The following ZNF341 variants were observed in gnomAD, a reference collection of about 807,000 sequenced individuals.
The protein encoded by ZNF341 is zinc finger protein 341.
A neutral mutation model predicts 87.7 loss-of-function variants in ZNF341; 52 were observed. The ratio of observed to expected loss-of-function variants is 0.59; its 90% CI spans 0.47 to 0.75. ZNF341 has a LOEUF of 0.75. Ranked by LOEUF, ZNF341 falls within the 30% of genes least tolerant of loss-of-function variation. The pLI, the probability that ZNF341 is intolerant of heterozygous loss-of-function variation, is 0.00. For missense variants in ZNF341, 977 were observed against 1,145.9 expected, an observed-to-expected ratio of 0.85 and a Z score of 2.13; for synonymous variants, 459 against 472.7, an observed-to-expected ratio of 0.97 and a Z score of 0.38.
At chr20:33,776,900 T>C (rs2019637627) in intron 10 of ZNF341, among the ~76,000 whole-genome samples, 1 of 152,004 alleles carries the variant, frequency 6.6e-6, no homozygotes, top group South Asian at 2.1e-4. Flanking sequence ...CCTCAAGTGA[T>C]CCTCCTGCCT....
intron 14 of ZNF341, 92 bp downstream of exon 14, chr20:33,789,680 G>A (rs1204449819): frequency 8.6e-6 from 12 of 1,399,156 alleles, no homozygotes; most frequent in Non-Finnish European, 1.2e-5. Flanking sequence ...GACATATCCT[G>A]TGAGGCTTGT....
intron 5 of ZNF341, among the ~76,000 whole-genome samples, chr20:33,755,733 C>G (rs978119176): frequency 4.0e-5 from 6 of 151,888 alleles, no homozygotes; most frequent in African/African-American, 1.5e-4. Context: ...ACTGGGACTA[C>G]AGGCATGCAC....
chr20:33,740,989 C>T lies in ZNF341; in HGVS notation c.119C>T (p.Ala40Val), dbSNP rs151120596. The T allele has an allele frequency of 5.1e-5, 83 of 1,614,088 alleles. No individual in the cohort carries two copies. The East Asian group carries it at 6.9e-4, about 13-fold the overall frequency. ...GATCCGACAGGCCAGAGTGTCAATGCGCCCCCTGCTATCCAGCCATTGGGT... is the reference window on the plus strand; with the variant it reads ...GATCCGACAGGCCAGAGTGTCAATGTGCCCCCTGCTATCCAGCCATTGGGT... ...VPDPTGQSVN[A>V]PPAIQPLDDE... Residue 40 changes from alanine (A) to valine (V), a missense_variant, in exon 2 of 15, where the codon GCG (alanine) becomes GTG (valine). Ala to Val is a moderately conservative substitution (Grantham distance 64). Coordinates refer to ENST00000375200, the MANE Select transcript of ZNF341 (RefSeq NM_001282933.2).
intron 2 of ZNF341, 110 bp from the exon 3 acceptor site, chr20:33,744,993 G>A (rs2018885594): frequency 1.1e-6 from 1 of 949,328 alleles, no homozygotes; most frequent in African/African-American, 1.6e-5. Flanking sequence ...GTGGTCAGCT[G>A]CAGTTCTCCT....
Position 33,757,225 on chromosome 20 carries a change from C to T in ZNF341, c.819C>T (p.Pro273=). ...GCCCTGGCAAACAGGGATTCAAACC[C>T]AAAGGACCAAACCCCGCCGCCCCCA... ...VYSPGKQGFK[P]KGPNPAAPMT... is the part of the protein sequence containing the mutation. The change falls in exon 6 of 15, where the codon CCC becomes CCT. Residue 273 remains proline (P), a synonymous_variant. Transcript: ENST00000375200. 6.2e-7 allele frequency: 1 copy of T among 1,602,082 alleles called. No individual in the cohort carries two copies. Among genetic ancestry groups the T allele is most frequent in the Non-Finnish European group, 8.5e-7 (1 of 1,175,116 alleles).
intron 3 of ZNF341, among the ~76,000 whole-genome samples, 183 bp downstream of exon 3, chr20:33,745,482 A>T (rs538073912): frequency 6.6e-6 from 1 of 152,244 alleles, no homozygotes; most frequent in African/African-American, 2.4e-5. Context: ...GAGATAGGGG[A>T]TGCCAGACGG....
At chr20:33,781,111 C>T (rs1477517508) in intron 10 of ZNF341, among the ~76,000 whole-genome samples, 180 bp from the exon 11 acceptor site, 2 of 152,112 alleles carry the variant, frequency 1.3e-5, no homozygotes, top group African/African-American at 4.8e-5. Context: ...CTGCACAAGT[C>T]CGAACAAGAG....
At chr20:33,770,846 C>T (rs1400497967) in intron 10 of ZNF341, among the ~76,000 whole-genome samples, 4 of 152,060 alleles carry the variant, frequency 2.6e-5, no homozygotes, top group African/African-American at 4.8e-5. Context: ...GTTGGCTGGG[C>T]GTGGTGGCTC....
intron 1 of ZNF341, among the ~76,000 whole-genome samples, chr20:33,734,019 C>T (rs1029476414): frequency 2.0e-5 from 3 of 152,142 alleles, no homozygotes; most frequent in African/African-American, 2.4e-5. Flanking sequence ...GTTTGGACTT[C>T]CTCATTGTTT....
chr20:33,746,751 A>T (rs2018934327), intron 3 of ZNF341, among the ~76,000 whole-genome samples: 1 of 152,120 alleles, frequency 6.6e-6, no homozygotes, highest in Non-Finnish European at 1.5e-5. Flanking sequence ...AGGTGGTGAG[A>T]AAGTGTGAGA....
At chr20:33,750,426 G>A (rs1601244957) in intron 4 of ZNF341, among the ~76,000 whole-genome samples, 1 of 151,964 alleles carries the variant, frequency 6.6e-6, no homozygotes, top group African/African-American at 2.4e-5. Flanking sequence ...ACACAGTGAA[G>A]AAGAGGACCC....
chr20:33,745,449 G>C (rs2018898923), intron 3 of ZNF341, 150 bp downstream of exon 3: 2 of 770,858 alleles, frequency 2.6e-6, no homozygotes, highest in South Asian at 2.0e-5. Context: ...CACATGTACT[G>C]TTTTCAGCAT....
Position 33,762,043 on chromosome 20 carries a change from G to A in ZNF341, c.1210G>A (p.Glu404Lys), listed in dbSNP as rs201202530. Residue 404 changes from glutamate to lysine, a missense_variant, in exon 8 of 15, where the codon GAG becomes AAG. Physicochemically the swap from Glu to Lys is moderately conservative, Grantham distance 56. This residue lies in a region of ZNF341 where 515 missense variants were observed against 598.2 expected (regional missense o/e 0.86). Transcript: ENST00000375200. ...CCTGAACCCCAGCAGGCAGGAGGAC[G>A]AGGAAAGCACAGGTGGGTGGAAGTA... ...MALNPSRQEDEESTGLGQPLP... is the reference protein window; with the variant it reads ...MALNPSRQEDKESTGLGQPLP... 25 of 1,560,050 alleles carry A rather than the reference G, an allele frequency of 1.6e-5. No individual in the cohort carries two copies. Among genetic ancestry groups the A allele is most frequent in the Non-Finnish European group, 3.5e-6 (4 of 1,141,378 alleles).
At chr20:33,743,527 T>C (rs555809245) in intron 2 of ZNF341, among the ~76,000 whole-genome samples, 130 of 150,974 alleles carry the variant, frequency 8.6e-4, no homozygotes, top group African/African-American at 3.0e-3. Flanking sequence ...TTAGGAGAGC[T>C]GGGGTTTCAC....
chr20:33,760,570 G>T (rs2019270313), intron 7 of ZNF341, among the ~76,000 whole-genome samples: 1 of 151,874 alleles, frequency 6.6e-6, no homozygotes. Flanking sequence ...TTGAGACAGG[G>T]TCTTGCTCTG....
chr20:33,763,495 C>T (rs2019337558), intron 8 of ZNF341, among the ~76,000 whole-genome samples: 1 of 152,136 alleles, frequency 6.6e-6, no homozygotes, highest in Non-Finnish European at 1.5e-5. Flanking sequence ...GACAAGGCTT[C>T]ACCATGTTGG....
At chr20:33,736,320 C>G (rs1248985026) in intron 1 of ZNF341, among the ~76,000 whole-genome samples, 1 of 151,928 alleles carries the variant, frequency 6.6e-6, no homozygotes, top group African/African-American at 2.4e-5. Flanking sequence ...GACGCCTGAC[C>G]TAACCAATCC....
At chr20:33,747,168 G>A (rs2018943845) in intron 3 of ZNF341, among the ~76,000 whole-genome samples, 1 of 152,168 alleles carries the variant, frequency 6.6e-6, no homozygotes, top group Non-Finnish European at 1.5e-5. Flanking sequence ...GCCAGGTCAA[G>A]GGGTCAGATT....
chr20:33,791,600 A>C lies in ZNF341; in HGVS notation c.*83A>C. On this transcript the variant is annotated 3_prime_UTR_variant, in exon 15 of 15. Transcript: ENST00000375200. The stretch of plus-strand genomic sequence containing the variant: ...CCCTGGGGGCAGACCGGTGATCCTT[A>C]CCAGTGGAAGCGAGCCATCGAGCCA... The C allele has an allele frequency of 7.2e-7, 1 of 1,392,034 alleles. No homozygotes were observed. Among genetic ancestry groups the C allele is most frequent in the East Asian group, 2.5e-5 (1 of 40,014 alleles). 86.2% of individuals were successfully genotyped at this position (1,392,034 alleles called of 1,614,324 possible).
Sources: allele counts gnomAD v4.1 joint callset (sites outside exome capture counted in the v4.1 genomes callset), GRCh38; gene constraint gnomAD v4.1.1; regional missense constraint gnomAD v4.1.1; transcripts MANE v1.5; gene names NCBI Gene and HGNC (gene_info 2026-07-23, HGNC 2026-07-21).